CHRNA7: variants seen among roughly 807,000 people sequenced by gnomAD.
CHRNA7 encodes the protein neuronal acetylcholine receptor subunit alpha-7.
Under a neutral mutation model 48.0 loss-of-function variants are expected in CHRNA7, and 17 were observed. The observed-to-expected ratio is 0.35, with a 90% CI of 0.24 to 0.53. The LOEUF (loss-of-function observed/expected upper bound fraction) is 0.53. Ranked by LOEUF, CHRNA7 falls within the 20% of genes least tolerant of loss-of-function variation. CHRNA7 has a pLI of 0.92. For missense variants in CHRNA7, 155 were observed against 577.7 expected, an observed-to-expected ratio of 0.27 and a Z score of 7.50; for synonymous variants, 75 against 242.3, an observed-to-expected ratio of 0.31 and a Z score of 6.41.
rs2052338323 is a variant in CHRNA7 at position 32,169,103 on chromosome 15, A to G, written c.*645A>G. The G allele has an allele frequency of 7.3e-6, 1 of 136,430 alleles. No individual in the cohort carries two copies. The highest frequency in any genetic ancestry group is 1.6e-5 in the Non-Finnish European group (1 of 62,592). The allele number at this position is 136,430 out of a possible 1,614,324, so 8.5% of individuals were successfully genotyped here. A position where few individuals can be genotyped will look rare whatever the true frequency, so the allele number is the denominator to read the frequency against. On this transcript the variant is annotated 3_prime_UTR_variant, in exon 10 of 10. Transcript: ENST00000306901. Reference sequence around the variant, plus strand: ...TTTACCAGCCTGCCTGACTTCTGCAAACCTACCCTGTCAAGGAGATCAAAG... The same window carrying G: ...TTTACCAGCCTGCCTGACTTCTGCAGACCTACCCTGTCAAGGAGATCAAAG...
Position 32,157,486 on chromosome 15 carries a change from A to T in CHRNA7, c.431-122A>T, listed in dbSNP as rs374853. On this transcript the variant is annotated intron_variant, in intron 5 of 9. Coordinates refer to ENST00000306901, the MANE Select transcript of CHRNA7 (RefSeq NM_000746.6). ...GCGAATAAATAAAAAGACAGATTCC[A>T]TTTGCTCTGGACTGTGTTAGCTGCA... The T allele has an allele frequency of 4.8e-6, 4 of 835,708 alleles. 1 individual carries two copies. The East Asian group carries it at 1.0e-4, about 21-fold the overall frequency. The allele number at this position is 835,708 out of a possible 1,614,324, so 51.8% of individuals were successfully genotyped here.
chr15:32,079,012 A>G (rs2050176326), intron 2 of CHRNA7, among the ~76,000 whole-genome samples: 1 of 152,196 alleles, frequency 6.6e-6, no homozygotes, highest in Non-Finnish European at 1.5e-5. Context: ...AAAATCAATA[A>G]ATGTAGTTCG....
chr15:32,082,972 C>T (rs991476485), intron 2 of CHRNA7, among the ~76,000 whole-genome samples: 6 of 152,166 alleles, frequency 3.9e-5, no homozygotes, highest in Non-Finnish European at 8.8e-5. Flanking sequence ...CTGTCTCCTA[C>T]TAAAAATACA....
intron 2 of CHRNA7, among the ~76,000 whole-genome samples, chr15:32,067,818 C>T (rs1290104651): frequency 6.6e-6 from 1 of 152,152 alleles, no homozygotes; most frequent in Admixed American, 6.6e-5. Flanking sequence ...AAGTTAGTAT[C>T]AATCCAGACA....
intron 3 of CHRNA7, among the ~76,000 whole-genome samples, chr15:32,108,683 C>G (rs886120855): frequency 6.6e-6 from 1 of 152,186 alleles, no homozygotes; most frequent in African/African-American, 2.4e-5. Flanking sequence ...CCACCCTTGG[C>G]TGCAGCTATG....
chr15:32,052,913 G>GGT (rs2049717135), intron 2 of CHRNA7, among the ~76,000 whole-genome samples: 1 of 152,118 alleles, frequency 6.6e-6, no homozygotes, highest in Admixed American at 6.6e-5. Flanking sequence ...AAATGTTTGA[G>GGT]GTGGTAGATA....
intron 2 of CHRNA7, among the ~76,000 whole-genome samples, chr15:32,049,140 G>A (rs917782218): frequency 7.9e-5 from 12 of 151,812 alleles, no homozygotes; most frequent in Admixed American, 7.9e-4. Flanking sequence ...GGGGTGGAGA[G>A]TTCTGTAGAT....
chr15:32,047,616 A>G (rs1314277673), intron 2 of CHRNA7, among the ~76,000 whole-genome samples: 2 of 152,122 alleles, frequency 1.3e-5, no homozygotes, highest in African/African-American at 2.4e-5. Flanking sequence ...GTCATCTGCA[A>G]ACAGGGACAA....
Position 32,149,443 on chromosome 15 carries a change from AT to A in CHRNA7, c.351-4461del, listed in dbSNP as rs1208884807. On this transcript the variant is annotated intron_variant, in intron 4 of 9. Transcript: ENST00000306901. The surrounding 1 kb of genome is among the most constrained non-coding windows in gnomAD (Gnocchi z 4.6). ...GCCACTCACATTTCCGAGGTTCTTC[AT>A]TTCCCACCTCAGATCACTGTTTTCA... Among the ~76,000 whole-genome samples the A allele has an allele frequency of 6.6e-6, 1 of 152,112 alleles. No homozygotes were observed. Among genetic ancestry groups the A allele is most frequent in the Non-Finnish European group, 1.5e-5 (1 of 68,028 alleles).
At chr15:32,112,183 T>TTGGCAC in intron 4 of CHRNA7, 1 of 573,792 alleles carries the variant, frequency 1.7e-6, no homozygotes, top group Non-Finnish European at 3.3e-6. Flanking sequence ...TCTGTGCATA[T>TTGGCAC]TGGCACATGG....
intron 6 of CHRNA7, chr15:32,158,117 GTGAT>G: frequency 3.6e-6 from 1 of 274,526 alleles, no homozygotes; most frequent in Non-Finnish European, 6.0e-6. Context: ...TAGGAAAACA[GTGAT>G]TACATTTATA....
intron 2 of CHRNA7, among the ~76,000 whole-genome samples, chr15:32,031,953 G>C (rs1453152164): frequency 6.6e-6 from 1 of 152,134 alleles, no homozygotes; most frequent in Non-Finnish European, 1.5e-5. Flanking sequence ...GAGCATGATG[G>C]GAAAGAGGTG....
intron 4 of CHRNA7, among the ~76,000 whole-genome samples, chr15:32,121,420 A>G (rs1466177483): frequency 3.3e-5 from 5 of 152,148 alleles, no homozygotes; most frequent in African/African-American, 4.8e-5. Context: ...TTCACAATTG[A>G]GGAAATGGTT....
Position 32,149,382 on chromosome 15 carries a change from G to A in CHRNA7, c.351-4525G>A, listed in dbSNP as rs528065784. On this transcript the variant is annotated intron_variant, in intron 4 of 9. Coordinates refer to ENST00000306901, the MANE Select transcript of CHRNA7 (RefSeq NM_000746.6). The surrounding 1 kb of genome is among the most constrained non-coding windows in gnomAD (Gnocchi z 4.6). ...CGGGCATCCCCGGGGAAGCTGCGCCGGTGCTGTGGCCACTGAGGTCCTCAT... is the reference window on the plus strand; with the variant it reads ...CGGGCATCCCCGGGGAAGCTGCGCCAGTGCTGTGGCCACTGAGGTCCTCAT... Among the ~76,000 whole-genome samples the A allele has an allele frequency of 1.2e-4, 19 of 152,204 alleles. No individual in the cohort carries two copies. Among genetic ancestry groups the A allele is most frequent in the Admixed American group, 2.6e-4 (4 of 15,300 alleles).
intron 4 of CHRNA7, among the ~76,000 whole-genome samples, chr15:32,112,818 T>G (rs1221881489): frequency 6.6e-6 from 1 of 151,918 alleles, no homozygotes; most frequent in Non-Finnish European, 1.5e-5. Flanking sequence ...CGATGCTATT[T>G]CTTGTATGGA....
intron 4 of CHRNA7, among the ~76,000 whole-genome samples, chr15:32,144,260 G>A (rs989714382): frequency 3.9e-5 from 6 of 152,216 alleles, no homozygotes; most frequent in South Asian, 2.1e-4. Flanking sequence ...CTTCTGGCTT[G>A]TAGGGTTTCT....
intron 2 of CHRNA7, among the ~76,000 whole-genome samples, chr15:32,045,234 C>T (rs547172598): frequency 6.6e-6 from 1 of 152,050 alleles, no homozygotes; most frequent in East Asian, 1.9e-4. Context: ...GCTCTTTTTG[C>T]TTTTCTGTTA....
In CHRNA7 at chr15:32,140,192, G is replaced by A. The variant is rs190637005; in HGVS notation, c.351-13715G>A. On this transcript the variant is annotated intron_variant, in intron 4 of 9. Transcript: ENST00000306901. ...GTGGTGTTTGGTTTTCTGTCCTTGT[G>A]ATAGTTTGCTGAGAATGATGGTTTC... 2.6e-5 allele frequency among the ~76,000 whole-genome samples: 4 copies of A among 151,368 alleles called. No homozygotes were observed. In the East Asian group the frequency reaches 7.8e-4, roughly 30 times the overall value.
chr15:32,072,621 A>G (rs1382735474), intron 2 of CHRNA7, among the ~76,000 whole-genome samples: 1 of 152,190 alleles, frequency 6.6e-6, no homozygotes, highest in Non-Finnish European at 1.5e-5. Context: ...GGGAGGAAAG[A>G]CTGGTTTCTG....
Sources: allele counts gnomAD v4.1 joint callset (sites outside exome capture counted in the v4.1 genomes callset), GRCh38; gene constraint gnomAD v4.1.1; non-coding constraint Gnocchi (gnomAD v3.1); transcripts MANE v1.5; gene names NCBI Gene and HGNC (gene_info 2026-07-23, HGNC 2026-07-21).